The following GABRP variants were observed in gnomAD, a reference collection of about 807,000 sequenced individuals.
The protein encoded by GABRP is gamma-aminobutyric acid receptor subunit pi.
A neutral mutation model predicts 47.8 loss-of-function variants in GABRP; 52 were observed. The ratio of observed to expected loss-of-function variants is 1.09; its 90% CI spans 0.87 to 1.37. The LOEUF (loss-of-function observed/expected upper bound fraction) is 1.37. GABRP is among the 40% of genes most tolerant of loss of function. The pLI is 0.00. For missense variants in GABRP, 525 were observed against 542.8 expected, an observed-to-expected ratio of 0.97 and a Z score of 0.33; for synonymous variants, 221 against 205.8, an observed-to-expected ratio of 1.07 and a Z score of -0.63.
chr5:170,812,267 T>C lies in GABRP; in HGVS notation c.*9T>C. 2.5e-6 allele frequency: 4 copies of C among 1,604,882 alleles called. No homozygotes were observed. Among genetic ancestry groups the C allele is most frequent in the Non-Finnish European group, 3.4e-6 (4 of 1,173,588 alleles). ...ACTACATGTATTTTTGAGTCAATGTTAAATTTCTTGCATGCCATAGGTCTT... is the reference window on the plus strand; with the variant it reads ...ACTACATGTATTTTTGAGTCAATGTCAAATTTCTTGCATGCCATAGGTCTT... On this transcript the variant is annotated 3_prime_UTR_variant, in exon 10 of 10. Coordinates refer to ENST00000265294, the MANE Select transcript of GABRP (RefSeq NM_014211.3).
intron 1 of GABRP, among the ~76,000 whole-genome samples, chr5:170,784,401 G>A (rs1179292497): frequency 6.6e-6 from 1 of 152,162 alleles, no homozygotes; most frequent in Non-Finnish European, 1.5e-5. Flanking sequence ...TTCCAGCCTG[G>A]GAAGTTTTCA....
intron 1 of GABRP, among the ~76,000 whole-genome samples, chr5:170,787,538 A>C (rs1765157124): frequency 6.6e-6 from 1 of 152,214 alleles, no homozygotes; most frequent in Admixed American, 6.5e-5. Flanking sequence ...GACAAGGTCT[A>C]GGAGGTCACG....
Position 170,793,237 on chromosome 5 carries a change from C to A in GABRP, c.173-994C>A, listed in dbSNP as rs558259589. On this transcript the variant is annotated intron_variant, in intron 3 of 9. Coordinates refer to ENST00000265294, the MANE Select transcript of GABRP (RefSeq NM_014211.3). ...CCACTTGCAGGTAAGAGAACTGCAG[C>A]TCTGAAAGATTTAATAACTTTTCCC... Among the ~76,000 whole-genome samples the A allele has an allele frequency of 2.0e-4, 30 of 152,306 alleles. No individual in the cohort carries two copies. The South Asian group carries it at 5.8e-3, about 29-fold the overall frequency.
At position 170,793,099 on chromosome 5, in the gene GABRP, C is replaced by T. The variant is rs1205957549; in HGVS notation, c.173-1132C>T. Among the ~76,000 whole-genome samples, 6 of 152,196 alleles carry T rather than the reference C, an allele frequency of 3.9e-5. No individual in the cohort carries two copies. The East Asian group carries it at 9.7e-4, about 24-fold the overall frequency. ...CAATGATGAACACCTTCAGGATGTC[C>T]GGCTAGGCAGGCACTTCTCTTACAC... is the stretch of plus-strand genomic sequence containing the variant. On this transcript the variant is annotated intron_variant, in intron 3 of 9. Coordinates refer to ENST00000265294, the MANE Select transcript of GABRP (RefSeq NM_014211.3).
chr5:170,803,640 G>A (rs142039976), intron 6 of GABRP, among the ~76,000 whole-genome samples: 58 of 152,146 alleles, frequency 3.8e-4, no homozygotes, highest in Non-Finnish European at 5.4e-4. Flanking sequence ...CTGCAGTCAC[G>A]CCTCTTTCCC....
At chr5:170,794,333 T>A (rs781627340) in intron 4 of GABRP, 35 bp downstream of exon 4, 67 of 1,272,920 alleles carry the variant, frequency 5.3e-5, no homozygotes, top group Admixed American at 1.3e-4. Context: ...ACCCAAGTAG[T>A]CCCTCTCTGT....
chr5:170,811,257 T>C (rs1369831375), intron 9 of GABRP, among the ~76,000 whole-genome samples: 3 of 150,698 alleles, frequency 2.0e-5, no homozygotes, highest in Admixed American at 6.6e-5. Flanking sequence ...GTAACTCCCA[T>C]AAGACCCCAC....
At chr5:170,810,320 G>A (rs376306138) in intron 9 of GABRP, among the ~76,000 whole-genome samples, 1 of 152,058 alleles carries the variant, frequency 6.6e-6, no homozygotes, top group African/African-American at 2.4e-5. Context: ...ATTTACATGT[G>A]CCAGACACAG....
intron 1 of GABRP, among the ~76,000 whole-genome samples, chr5:170,786,584 C>A (rs539049527): frequency 2.6e-5 from 4 of 152,304 alleles, no homozygotes; most frequent in African/African-American, 9.6e-5. Flanking sequence ...TTTCATGGTG[C>A]ACTCATTAAG....
At chr5:170,784,475 G>A (rs550175554) in intron 1 of GABRP, among the ~76,000 whole-genome samples, 42 of 152,012 alleles carry the variant, frequency 2.8e-4, no homozygotes, top group African/African-American at 8.5e-4. Context: ...AGGAAGAGGC[G>A]GGGGAGACTG....
chr5:170,795,190 C>A lies in GABRP; in HGVS notation c.241-18C>A. ...CCACTACCCCCATCCATTTCCATAC[C>A]CTGCCTCCCCCTCCCAGGACTACAC... On this transcript the variant is annotated intron_variant, in intron 4 of 9. Coordinates refer to ENST00000265294, the MANE Select transcript of GABRP (RefSeq NM_014211.3). 4 of 1,592,982 alleles carry A rather than the reference C, an allele frequency of 2.5e-6. No individual in the cohort carries two copies. The highest frequency in any genetic ancestry group is 3.3e-5 in the Admixed American group (2 of 59,938).
intron 3 of GABRP, among the ~76,000 whole-genome samples, chr5:170,793,782 A>AG (rs397811910): frequency 6.6e-6 from 1 of 151,078 alleles, no homozygotes; most frequent in African/African-American, 2.4e-5. Flanking sequence ...AAAAATACAA[A>AG]TTAGCCGGGC....
chr5:170,796,996 CA>C (rs1271723778), intron 5 of GABRP, among the ~76,000 whole-genome samples: 1 of 152,212 alleles, frequency 6.6e-6, no homozygotes. Context: ...CATGAGGAGG[CA>C]GGGCCTCATG....
At position 170,812,818 on chromosome 5, in the gene GABRP, T is replaced by G. The variant is rs1407169285; in HGVS notation, c.*560T>G. The G allele has an allele frequency of 6.6e-6, 1 of 152,428 alleles. No homozygotes were observed. The highest frequency in any genetic ancestry group is 1.9e-4 in the East Asian group (1 of 5,188). The allele number at this position is 152,428 out of a possible 1,614,324, so 9.4% of individuals were successfully genotyped here. A position where few individuals can be genotyped will look rare whatever the true frequency, so the allele number is the denominator to read the frequency against. ...GAGTTTTTAAATAATGAATATTATT[T>G]AATACCACAACAGAATTATCCCCAA... On this transcript the variant is annotated 3_prime_UTR_variant, in exon 10 of 10. Transcript: ENST00000265294.
intron 3 of GABRP, 37 bp downstream of exon 3, chr5:170,789,284 G>T (rs1231434229): frequency 7.3e-7 from 1 of 1,365,106 alleles, no homozygotes. Context: ...TCATTCAAAG[G>T]GACGAAAACA....
chr5:170,805,674 G>T, intron 6 of GABRP, 42 bp from the exon 7 acceptor site: 1 of 1,609,400 alleles, frequency 6.2e-7, no homozygotes, highest in Non-Finnish European at 8.5e-7. Context: ...AGTTCAATCT[G>T]GAACACCCTT....
At chr5:170,799,896 C>T (rs190340470) in intron 6 of GABRP, among the ~76,000 whole-genome samples, 6 of 152,228 alleles carry the variant, frequency 3.9e-5, no homozygotes, top group Admixed American at 1.3e-4. Context: ...GAATCAATAT[C>T]GTGAAAATGG....
chr5:170,793,695 A>G (rs530945579), intron 3 of GABRP, among the ~76,000 whole-genome samples: 1 of 152,246 alleles, frequency 6.6e-6, no homozygotes, highest in Admixed American at 6.5e-5. Flanking sequence ...CATAGGAAAA[A>G]CCCTCCATGT....
intron 8 of GABRP, among the ~76,000 whole-genome samples, chr5:170,809,273 A>G (rs1443173257): frequency 6.6e-6 from 1 of 152,072 alleles, no homozygotes; most frequent in African/African-American, 2.4e-5. Flanking sequence ...TTTTACAGTG[A>G]CAAGTAAGGG....
Sources: allele counts gnomAD v4.1 joint callset (sites outside exome capture counted in the v4.1 genomes callset), GRCh38; gene constraint gnomAD v4.1.1; transcripts MANE v1.5; gene names NCBI Gene and HGNC (gene_info 2026-07-23, HGNC 2026-07-21).